Variants in PTPN4 observed in about 807,000 individuals in gnomAD.
The protein encoded by PTPN4 is protein tyrosine phosphatase non-receptor type 4.
Under a neutral mutation model 135.5 loss-of-function variants are expected in PTPN4, and 49 were observed. The observed-to-expected ratio is 0.36, with a 90% CI of 0.29 to 0.46. The LOEUF (loss-of-function observed/expected upper bound fraction) is 0.46, where lower values mean the gene tolerates loss of function less well. PTPN4 is among the 20% of genes least tolerant of loss of function. The pLI is 1.00. For synonymous variants in PTPN4, 333 were observed against 369.9 expected, an observed-to-expected ratio of 0.90 and a Z score of 1.14; for missense variants, 860 against 1,101.0, an observed-to-expected ratio of 0.78 and a Z score of 3.10.
chr2:119,910,489 T>A (rs1433931082), intron 10 of PTPN4, among the ~76,000 whole-genome samples: 1 of 152,136 alleles, frequency 6.6e-6, no homozygotes, highest in Non-Finnish European at 1.5e-5. Context: ...AATAAAATCA[T>A]ATTGTGAGCA....
At chr2:119,811,653 G>T (rs1225863757) in intron 2 of PTPN4, among the ~76,000 whole-genome samples, 2 of 151,974 alleles carry the variant, frequency 1.3e-5, no homozygotes, top group African/African-American at 4.8e-5. Flanking sequence ...TTTGGAAAAG[G>T]CATAAATTTA....
At chr2:119,773,775 C>T (rs1470555052) in intron 1 of PTPN4, among the ~76,000 whole-genome samples, 1 of 150,854 alleles carries the variant, frequency 6.6e-6, no homozygotes, top group Non-Finnish European at 1.5e-5. Context: ...AATTAGATGT[C>T]ATGAATACAT....
chr2:119,804,997 T>C (rs1691441588), intron 1 of PTPN4, among the ~76,000 whole-genome samples: 1 of 149,826 alleles, frequency 6.7e-6, no homozygotes, highest in African/African-American at 2.4e-5. Flanking sequence ...GGTATCTCAT[T>C]GTGGTTTTGA....
At chr2:119,846,564 T>TA (rs1178646193) in intron 2 of PTPN4, among the ~76,000 whole-genome samples, 6 of 150,936 alleles carry the variant, frequency 4.0e-5, no homozygotes, top group Admixed American at 1.3e-4. Flanking sequence ...TTTTTTTTTT[T>TA]ACCAGTCTGA....
intron 2 of PTPN4, among the ~76,000 whole-genome samples, chr2:119,844,558 T>C: frequency 1.4e-5 from 2 of 141,342 alleles, no homozygotes; most frequent in African/African-American, 5.4e-5. Flanking sequence ...GCAGAGACGC[T>C]CCTCACCTCC....
chr2:119,980,563 A>G lies in PTPN4; in HGVS notation c.*3493A>G, dbSNP rs1001214051. 1 of 152,006 alleles carries G rather than the reference A, an allele frequency of 6.6e-6. No individual in the cohort carries two copies. Among genetic ancestry groups the G allele is most frequent in the Non-Finnish European group, 1.5e-5 (1 of 67,934 alleles). 9.4% of individuals were successfully genotyped at this position (152,006 alleles called of 1,614,324 possible). ...TTCTAATTATCTATCTAGTATTCCT[A>G]TATTATACTGGAACTTCAATAAATT... On this transcript the variant is annotated 3_prime_UTR_variant, in exon 27 of 27. Coordinates refer to ENST00000263708, the MANE Select transcript of PTPN4 (RefSeq NM_002830.4).
In PTPN4 at chr2:119,760,133, G is replaced by T; in HGVS notation, c.-269G>T. On this transcript the variant is annotated 5_prime_UTR_variant, in exon 1 of 27. Transcript: ENST00000263708. ...TGGGGGTGTGGATTATCTCATCCCT[G>T]CAGGGAGGTAGGAGAGGTCGCCGGC... is the stretch of plus-strand genomic sequence containing the variant. The T allele has an allele frequency of 5.1e-6, 2 of 391,700 alleles. No individual in the cohort carries two copies. Among genetic ancestry groups the T allele is most frequent in the East Asian group, 3.6e-5 (1 of 27,534 alleles). 24.3% of individuals were successfully genotyped at this position (391,700 alleles called of 1,614,324 possible). A position where few individuals can be genotyped will look rare whatever the true frequency, so the allele number is the denominator to read the frequency against.
At chr2:119,880,596 AT>A (rs754993839) in intron 5 of PTPN4, among the ~76,000 whole-genome samples, 222 of 143,106 alleles carry the variant, frequency 1.6e-3, no homozygotes, top group Middle Eastern at 3.7e-3. Flanking sequence ...CGCCTGGCTA[AT>A]TTTTTTTTTT....
At chr2:119,965,807 T>C (rs914906268) in intron 25 of PTPN4, among the ~76,000 whole-genome samples, 162 bp downstream of exon 25, 4 of 152,218 alleles carry the variant, frequency 2.6e-5, no homozygotes, top group Non-Finnish European at 5.9e-5. Context: ...TAACATATGA[T>C]TGGCAGTAAC....
chr2:119,828,937 T>C (rs982569405), intron 2 of PTPN4, among the ~76,000 whole-genome samples: 1 of 152,240 alleles, frequency 6.6e-6, no homozygotes, highest in Admixed American at 6.5e-5. Flanking sequence ...CAGTTTATCA[T>C]TGACTGAAAA....
intron 3 of PTPN4, among the ~76,000 whole-genome samples, chr2:119,876,694 A>G (rs1475153732): frequency 6.6e-6 from 1 of 152,170 alleles, no homozygotes; most frequent in Non-Finnish European, 1.5e-5. Flanking sequence ...CTTCAGAAGT[A>G]TTGAAACTGC....
At chr2:119,925,465 CA>C (rs2105032503) in intron 12 of PTPN4, among the ~76,000 whole-genome samples, 1 of 149,660 alleles carries the variant, frequency 6.7e-6, no homozygotes, top group African/African-American at 2.4e-5. Flanking sequence ...ATATCCAAAG[CA>C]CTTTTTAATC....
chr2:119,769,693 A>G lies in PTPN4; in HGVS notation c.-18+9309A>G, dbSNP rs752482191. On this transcript the variant is annotated intron_variant, in intron 1 of 26. Coordinates refer to ENST00000263708, the MANE Select transcript of PTPN4 (RefSeq NM_002830.4). ...TCAAGAAAAATACCTTTGCGTTTCAAGGGTTACATACACCTTAACATTTGT... is the reference window on the plus strand; with the variant it reads ...TCAAGAAAAATACCTTTGCGTTTCAGGGGTTACATACACCTTAACATTTGT... 3.9e-5 allele frequency among the ~76,000 whole-genome samples: 6 copies of G among 152,366 alleles called. No individual in the cohort carries two copies. The South Asian group carries it at 8.3e-4, about 21-fold the overall frequency.
intron 1 of PTPN4, among the ~76,000 whole-genome samples, chr2:119,773,567 A>C (rs1418216508): frequency 2.6e-5 from 4 of 151,892 alleles, no homozygotes; most frequent in African/African-American, 4.8e-5. Flanking sequence ...GAAACCCTGC[A>C]TCTACTAAAA....
intron 2 of PTPN4, among the ~76,000 whole-genome samples, chr2:119,859,498 A>G (rs374240275): frequency 6.6e-6 from 1 of 152,206 alleles, no homozygotes; most frequent in Non-Finnish European, 1.5e-5. Context: ...TTCAAGATTT[A>G]ACTATCCCTT....
In PTPN4 at chr2:119,944,769, C is replaced by T. The variant is rs1336319732; in HGVS notation, c.1356-312C>T. ...TTCTTGCCTACCTTATTCCTGGCTA[C>T]CCGTGACTCCTCTGACAACCTTAAA... On this transcript the variant is annotated intron_variant, in intron 15 of 26. Transcript: ENST00000263708. 4.6e-5 allele frequency among the ~76,000 whole-genome samples: 7 copies of T among 152,202 alleles called. No homozygotes were observed. The East Asian group carries it at 1.3e-3, about 29-fold the overall frequency.
chr2:119,766,883 C>G (rs924551763), intron 1 of PTPN4, among the ~76,000 whole-genome samples: 1 of 152,142 alleles, frequency 6.6e-6, no homozygotes, highest in Non-Finnish European at 1.5e-5. Flanking sequence ...GCTAGGATTT[C>G]TTCTTTGGCA....
Position 119,802,679 on chromosome 2 carries a change from C to T in PTPN4, c.-17-7158C>T, listed in dbSNP as rs530965953. On this transcript the variant is annotated intron_variant, in intron 1 of 26. Transcript: ENST00000263708. ...ATGAGGAATATTGGTTTGTAGTTTT[C>T]TTTATGTTTTTGTCTGTTTTTTCCA... Among the ~76,000 whole-genome samples the T allele has an allele frequency of 9.2e-5, 14 of 152,086 alleles. No individual in the cohort carries two copies. In the Middle Eastern group the frequency reaches 0.017, roughly 185 times the overall value.
Position 119,956,825 on chromosome 2 carries a change from C to CT in PTPN4, c.1981-3dup, listed in dbSNP as rs76723123. On this transcript the variant is annotated intron_variant, in intron 20 of 26. Coordinates refer to ENST00000263708, the MANE Select transcript of PTPN4 (RefSeq NM_002830.4). The stretch of plus-strand genomic sequence containing the variant: ...TTTATGGCTTTTGTTGGAATTGTAC[C>CT]TTTTTTTTTTTTTTTTAGCAACTGT... 0.084 allele frequency: 116,137 copies of CT among 1,378,264 alleles called. 159 individuals are homozygous for CT. Among genetic ancestry groups the CT allele is most frequent in the South Asian group, 0.13 (10,018 of 74,222 alleles). 85.4% of individuals were successfully genotyped at this position (1,378,264 alleles called of 1,614,324 possible). A position where few individuals can be genotyped will look rare whatever the true frequency, so the allele number is the denominator to read the frequency against.
Sources: gnomAD v4.1 joint callset for allele counts (sites outside exome capture counted in the v4.1 genomes callset) on GRCh38, gnomAD v4.1.1 for gene constraint, MANE v1.5 for transcripts, NCBI Gene and HGNC (gene_info 2026-07-23, HGNC 2026-07-21) for gene names.